The following PPP1CC variants were observed in gnomAD, a reference collection of about 807,000 sequenced individuals.
The protein encoded by PPP1CC is serine/threonine-protein phosphatase PP1-gamma catalytic subunit.
Under a neutral mutation model 38.4 loss-of-function variants are expected in PPP1CC, and 16 were observed. The ratio of observed to expected loss-of-function variants is 0.42; its 90% CI spans 0.28 to 0.63. The LOEUF is 0.63. Among genes scored for constraint, PPP1CC ranks in the 30% least tolerant of loss-of-function variants. The probability of loss-of-function intolerance (pLI) is 0.25; values close to 1 mark genes in which losing one functional copy is unlikely to be tolerated. For missense variants in PPP1CC, 170 were observed against 391.3 expected, an observed-to-expected ratio of 0.43 and a Z score of 4.77; for synonymous variants, 158 against 136.0, an observed-to-expected ratio of 1.16 and a Z score of -1.13.
chr12:110,713,332 C>A, the PPP1CC span, among the ~76,000 whole-genome samples: 2 of 151,978 alleles, frequency 1.3e-5, no homozygotes, highest in Admixed American at 1.3e-4. Flanking sequence ...TGAGTTTCAC[C>A]GTGTTGCTCA....
chr12:110,711,039 G>A, the PPP1CC span, among the ~76,000 whole-genome samples: 1 of 151,848 alleles, frequency 6.6e-6, no homozygotes, highest in African/African-American at 2.4e-5. Flanking sequence ...AGCCAGGCAT[G>A]GTGGCATGTG....
intron 3 of PPP1CC, 63 bp downstream of exon 3, chr12:110,730,466 T>C: frequency 8.1e-7 from 1 of 1,241,498 alleles, no homozygotes; most frequent in East Asian, 2.3e-5. Context: ...AAGTATGTGA[T>C]AATTGTTTAT....
intron 1 of PPP1CC, among the ~76,000 whole-genome samples, chr12:110,738,921 A>G (rs770503550): frequency 1.8e-4 from 28 of 152,174 alleles, no homozygotes; most frequent in Non-Finnish European, 3.5e-4. Flanking sequence ...TGACCAACAT[A>G]CTGATGGGAA....
At position 110,720,341 on chromosome 12, in the gene PPP1CC, A is replaced by G. The variant is rs1339630098; in HGVS notation, c.*735T>C. ...AAAAACCTGTTTTTGAATCCCCAAGAAGGCAGCATGTGTATACAACCATAC... is the reference window on the plus strand; with the variant it reads ...AAAAACCTGTTTTTGAATCCCCAAGGAGGCAGCATGTGTATACAACCATAC... On this transcript the variant is annotated 3_prime_UTR_variant, in exon 7 of 7. Transcript: ENST00000335007. The G allele has an allele frequency of 1.0e-5, 7 of 701,450 alleles. No individual in the cohort carries two copies. The highest frequency in any genetic ancestry group is 3.6e-5 in the African/African-American group (2 of 56,194). The allele number at this position is 701,450 out of a possible 1,614,324, so 43.5% of individuals were successfully genotyped here. A position where few individuals can be genotyped will look rare whatever the true frequency, so the allele number is the denominator to read the frequency against.
chr12:110,736,126 G>C (rs1231804500), intron 1 of PPP1CC, among the ~76,000 whole-genome samples: 1 of 151,974 alleles, frequency 6.6e-6, no homozygotes, highest in Admixed American at 6.6e-5. Flanking sequence ...CAACAAAAAA[G>C]CAACACCAAC....
intron 1 of PPP1CC, among the ~76,000 whole-genome samples, chr12:110,735,359 A>G (rs78120858): frequency 0.029 from 4,360 of 152,274 alleles, 212 homozygotes; most frequent in African/African-American, 0.098. Context: ...GAAGTCAGGC[A>G]CTGTCATCTC....
the PPP1CC span, among the ~76,000 whole-genome samples, chr12:110,709,287 T>C: frequency 6.6e-6 from 1 of 152,074 alleles, no homozygotes; most frequent in East Asian, 1.9e-4. Context: ...TGGAGTGCAG[T>C]ATCGCGATCC....
chr12:110,731,724 T>A, intron 2 of PPP1CC, 46 bp downstream of exon 2: 1 of 1,579,210 alleles, frequency 6.3e-7, no homozygotes, highest in South Asian at 1.1e-5. Context: ...CTTGACTCAG[T>A]TAATCAATCA....
At chr12:110,712,354 C>T in the PPP1CC span, among the ~76,000 whole-genome samples, 1 of 151,398 alleles carries the variant, frequency 6.6e-6, no homozygotes, top group Admixed American at 6.6e-5. Context: ...AAAACAGACA[C>T]ACAGGCCGGG....
At chr12:110,725,270 C>T (rs1222015822) in intron 3 of PPP1CC, 1 of 152,402 alleles carries the variant, frequency 6.6e-6, no homozygotes, top group Non-Finnish European at 1.5e-5. Context: ...TCTGTCCAAT[C>T]TCACCGCAGC....
intron 1 of PPP1CC, among the ~76,000 whole-genome samples, chr12:110,742,046 G>T (rs1471101963): frequency 6.6e-6 from 1 of 152,118 alleles, no homozygotes; most frequent in African/African-American, 2.4e-5. Flanking sequence ...TCCAAGATTA[G>T]AACAACTTAA....
chr12:110,710,490 G>C, the PPP1CC span, among the ~76,000 whole-genome samples: 1 of 151,420 alleles, frequency 6.6e-6, no homozygotes. Flanking sequence ...AGGCCAAGGC[G>C]GGTGGATCAC....
chr12:110,742,534 C>T, intron 1 of PPP1CC, 119 bp downstream of exon 1: 1 of 830,302 alleles, frequency 1.2e-6, no homozygotes, highest in Non-Finnish European at 1.7e-6. Context: ...ACTCGAGGAG[C>T]TCACTCCCCA....
chr12:110,734,387 A>G (rs771833092), intron 1 of PPP1CC, among the ~76,000 whole-genome samples: 2 of 152,244 alleles, frequency 1.3e-5, no homozygotes, highest in Admixed American at 6.5e-5. Flanking sequence ...CTTGTTGCCC[A>G]GGCTGGAGTG....
At chr12:110,716,742 A>C (rs2069690758), downstream of PPP1CC, among the ~76,000 whole-genome samples, 1 of 152,240 alleles carries the variant, frequency 6.6e-6, no homozygotes, top group Admixed American at 6.5e-5. Flanking sequence ...AATAACTGAC[A>C]TAATTCTCAC....
At chr12:110,740,276 G>A (rs2070001881) in intron 1 of PPP1CC, among the ~76,000 whole-genome samples, 1 of 151,986 alleles carries the variant, frequency 6.6e-6, no homozygotes, top group South Asian at 2.1e-4. Context: ...AAAAGGTTTT[G>A]GGGGCATTAT....
chr12:110,731,654 C>G lies in PPP1CC; in HGVS notation c.187+116G>C, dbSNP rs551609085. The G allele has an allele frequency of 2.5e-6, 3 of 1,189,692 alleles. No individual in the cohort carries two copies. The South Asian group carries it at 5.6e-5, about 22-fold the overall frequency. 73.7% of individuals were successfully genotyped at this position (1,189,692 alleles called of 1,614,324 possible). A position where few individuals can be genotyped will look rare whatever the true frequency, so the allele number is the denominator to read the frequency against. On this transcript the variant is annotated intron_variant, in intron 2 of 6. Transcript: ENST00000335007. ...CTATTTAACTTACTTTTAAGTAGTT[C>G]CAAGCTATTCGCAAACAGGATAATC...
downstream of PPP1CC, among the ~76,000 whole-genome samples, chr12:110,718,623 A>G (rs1023673794): frequency 6.6e-6 from 1 of 152,202 alleles, no homozygotes; most frequent in Non-Finnish European, 1.5e-5. Flanking sequence ...AAGATAACCA[A>G]AAGCAAACAT....
chr12:110,729,106 C>T (rs1341763913), intron 3 of PPP1CC, among the ~76,000 whole-genome samples: 1 of 151,276 alleles, frequency 6.6e-6, no homozygotes, highest in African/African-American at 2.4e-5. Context: ...GTCCTGGCAG[C>T]AATGATGAGC....
Sources: allele counts gnomAD v4.1 joint callset (sites outside exome capture counted in the v4.1 genomes callset), GRCh38; gene constraint gnomAD v4.1.1; transcripts MANE v1.5; gene names NCBI Gene and HGNC (gene_info 2026-07-23, HGNC 2026-07-21).